Variants in PARPBP observed in about 807,000 individuals in gnomAD.
The protein encoded by PARPBP is PCNA-interacting partner.
PARPBP carries 52 observed loss-of-function variants against 50.0 expected under a neutral mutation model. The observed-to-expected ratio is 1.04, with a 90% CI of 0.83 to 1.31. The LOEUF (loss-of-function observed/expected upper bound fraction) is 1.31. Among genes scored for constraint, PARPBP ranks in the 50% most tolerant of loss-of-function variants. The pLI is 0.00. For missense variants in PARPBP, 697 were observed against 672.0 expected (o/e 1.04, Z -0.41); for synonymous variants, 244 against 232.1 (o/e 1.05, Z -0.47).
chr12:102,141,720 G>T (rs1359317689), intron 2 of PARPBP, among the ~76,000 whole-genome samples: 3 of 152,042 alleles, frequency 2.0e-5, no homozygotes, highest in African/African-American at 2.4e-5. Context: ...GTCTGTAAAG[G>T]ATTTTATTTC....
intron 2 of PARPBP, among the ~76,000 whole-genome samples, chr12:102,135,966 C>T (rs1883569117): frequency 6.6e-6 from 1 of 152,204 alleles, no homozygotes; most frequent in Non-Finnish European, 1.5e-5. Flanking sequence ...AGATACCATT[C>T]TACTGAGTCT....
rs1385951133 is a variant in PARPBP at position 102,197,111 on chromosome 12, G to A, written c.*820G>A. The A allele has an allele frequency of 2.5e-6, 4 of 1,612,206 alleles. No individual in the cohort carries two copies. The highest frequency in any genetic ancestry group is 2.5e-6 in the Non-Finnish European group (3 of 1,178,666). On this transcript the variant is annotated 3_prime_UTR_variant, in exon 11 of 11. Transcript: ENST00000327680. The stretch of plus-strand genomic sequence containing the variant: ...ACAGATCCTTTTAGTGCAAGATAAG[G>A]TTTTATAGCCAGATTCAGTGGCAGA...
chr12:102,183,452 C>A lies in PARPBP; in HGVS notation c.1263+825C>A, dbSNP rs80246441. Among the ~76,000 whole-genome samples the A allele has an allele frequency of 9.9e-5, 15 of 152,114 alleles. 1 individual carries two copies. In the South Asian group the frequency reaches 3.1e-3, roughly 32 times the overall value. ...AGTTAATACCTGTTTCATCTACATACCCTATACCCATTTAGTTTATTTATT... is the reference window on the plus strand; with the variant it reads ...AGTTAATACCTGTTTCATCTACATAACCTATACCCATTTAGTTTATTTATT... On this transcript the variant is annotated intron_variant, in intron 9 of 10. Coordinates refer to ENST00000327680, the MANE Select transcript of PARPBP (RefSeq NM_017915.5).
chr12:102,126,287 A>G (rs960511149), intron 2 of PARPBP, among the ~76,000 whole-genome samples: 1 of 152,136 alleles, frequency 6.6e-6, no homozygotes, highest in Non-Finnish European at 1.5e-5. Flanking sequence ...CTTGAAACAA[A>G]CACAAGCCCC....
chr12:102,182,529 CTTTT>C lies in PARPBP; in HGVS notation c.1185-11_1185-8del, dbSNP rs35297380. ...TCCAACCATAGCAATAAATTTTTGC[CTTTT>C]TTTTTTTTGACATAGGTCTCCCACA... On this transcript the variant is annotated splice_polypyrimidine_tract_variant and intron_variant, in intron 8 of 10. Coordinates refer to ENST00000327680, the MANE Select transcript of PARPBP (RefSeq NM_017915.5). 6 of 1,405,982 alleles carry C rather than the reference CTTTT, an allele frequency of 4.3e-6. No homozygotes were observed. Among genetic ancestry groups the C allele is most frequent in the Admixed American group, 2.0e-5 (1 of 48,856 alleles). 87.1% of individuals were successfully genotyped at this position (1,405,982 alleles called of 1,614,324 possible).
At chr12:102,120,412 A>C (rs566633818) in intron 1 of PARPBP, 126 bp downstream of exon 1, 2 of 455,844 alleles carry the variant, frequency 4.4e-6, no homozygotes, top group Admixed American at 2.4e-5. Context: ...CCGAAGTATT[A>C]TGGTGCAGTG....
chr12:102,150,131 C>G, intron 3 of PARPBP: 1 of 409,192 alleles, frequency 2.4e-6, no homozygotes, highest in Non-Finnish European at 4.9e-6. Flanking sequence ...GTGGGATACT[C>G]TCTCCAAATG....
intron 2 of PARPBP, among the ~76,000 whole-genome samples, chr12:102,126,082 A>G (rs947396774): frequency 5.3e-5 from 8 of 152,222 alleles, no homozygotes; most frequent in African/African-American, 1.9e-4. Flanking sequence ...AATGCCTTCC[A>G]CTGGGCAGAT....
intron 4 of PARPBP, among the ~76,000 whole-genome samples, chr12:102,161,422 T>C (rs541333495): frequency 1.3e-5 from 2 of 152,262 alleles, no homozygotes; most frequent in African/African-American, 4.8e-5. Flanking sequence ...AAGTTTTTCT[T>C]AATAGATTTT....
chr12:102,155,928 C>G (rs1478533770), intron 4 of PARPBP, among the ~76,000 whole-genome samples: 1 of 152,164 alleles, frequency 6.6e-6, no homozygotes, highest in Non-Finnish European at 1.5e-5. Flanking sequence ...TCATCCTAAT[C>G]GAGCTGAACA....
rs926018658 is a variant in PARPBP, at chr12:102,186,201, T to C, written c.1263+3574T>C. 5.9e-5 allele frequency among the ~76,000 whole-genome samples: 9 copies of C among 152,218 alleles called. No homozygotes were observed. In the South Asian group the frequency reaches 1.9e-3, roughly 32 times the overall value. Reference sequence around the variant, plus strand: ...AAATTTCTGATTTTATTTATTTGGGTCATCTCTCTTTTTTTCTTAGTCTAG... The same window carrying C: ...AAATTTCTGATTTTATTTATTTGGGCCATCTCTCTTTTTTTCTTAGTCTAG... On this transcript the variant is annotated intron_variant, in intron 9 of 10. Coordinates refer to ENST00000327680, the MANE Select transcript of PARPBP (RefSeq NM_017915.5).
chr12:102,178,719 A>G lies in PARPBP; in HGVS notation c.1133A>G (p.Asp378Gly), dbSNP rs769681697. ...AAAAACAAAGCAGAGCTTTTATATG[A>G]TGAGGAAAACACAATCCATCATCAT... ...PTKNKAELLY[D>G]EENTIHHHGT... The change falls in exon 8 of 11, where the codon GAT becomes GGT. Residue 378 changes from aspartate (D) to glycine (G), a missense_variant. Asp to Gly is a moderately conservative substitution (Grantham distance 94). Transcript: ENST00000327680. The G allele has an allele frequency of 6.2e-7, 1 of 1,613,384 alleles. No individual in the cohort carries two copies. Among genetic ancestry groups the G allele is most frequent in the South Asian group, 1.1e-5 (1 of 90,936 alleles).
intron 2 of PARPBP, among the ~76,000 whole-genome samples, chr12:102,127,231 C>CA (rs889334116): frequency 1.3e-5 from 2 of 151,582 alleles, no homozygotes; most frequent in African/African-American, 4.8e-5. Flanking sequence ...CTCGTCTCTA[C>CA]AAAAAAATAC....
At chr12:102,192,099 A>G (rs1408168788) in intron 9 of PARPBP, among the ~76,000 whole-genome samples, 1 of 152,150 alleles carries the variant, frequency 6.6e-6, no homozygotes, top group African/African-American at 2.4e-5. Flanking sequence ...TGTTTAAATA[A>G]TTAAAATGAA....
chr12:102,148,186 G>T, intron 2 of PARPBP, 44 bp from the exon 3 acceptor site: 2 of 783,382 alleles, frequency 2.6e-6, no homozygotes, highest in Non-Finnish European at 4.0e-6. Context: ...GAATATTCTG[G>T]TACCCAACTT....
chr12:102,176,074 C>G (rs1253590465), intron 7 of PARPBP, among the ~76,000 whole-genome samples: 2 of 151,928 alleles, frequency 1.3e-5, no homozygotes, highest in African/African-American at 4.8e-5. Context: ...CCTCTGCCTC[C>G]TGGGTTCAAG....
At chr12:102,155,633 C>T (rs1217667913) in intron 4 of PARPBP, among the ~76,000 whole-genome samples, 1 of 150,412 alleles carries the variant, frequency 6.6e-6, no homozygotes, top group Non-Finnish European at 1.5e-5. Context: ...AATATAAACC[C>T]AGGCATTCGA....
chr12:102,173,228 C>T (rs1033596019), intron 6 of PARPBP, among the ~76,000 whole-genome samples: 1 of 152,046 alleles, frequency 6.6e-6, no homozygotes, highest in Non-Finnish European at 1.5e-5. Flanking sequence ...AGGGCTAAGC[C>T]CTCAGTGTAA....
intron 6 of PARPBP, among the ~76,000 whole-genome samples, 155 bp downstream of exon 6, chr12:102,166,038 C>A (rs558832887): frequency 6.6e-6 from 1 of 152,244 alleles, no homozygotes; most frequent in South Asian, 2.1e-4. Flanking sequence ...AATCACATGA[C>A]CTTACCTCCT....
Sources: gnomAD v4.1 joint callset for allele counts (sites outside exome capture counted in the v4.1 genomes callset) on GRCh38, gnomAD v4.1.1 for gene constraint, MANE v1.5 for transcripts, NCBI Gene and HGNC (gene_info 2026-07-23, HGNC 2026-07-21) for gene names.